PACS1: variants seen among roughly 807,000 people sequenced by gnomAD.
The protein encoded by PACS1 is phosphofurin acidic cluster sorting protein 1.
A neutral mutation model predicts 115.0 loss-of-function variants in PACS1; 24 were observed. The ratio of observed to expected loss-of-function variants is 0.21; its 90% CI spans 0.15 to 0.29. PACS1 has a LOEUF of 0.29. Ranked by LOEUF, PACS1 falls within the 10% of genes least tolerant of loss-of-function variation. PACS1 has a pLI of 1.00. For missense variants in PACS1, 838 were observed against 1,251.2 expected, an observed-to-expected ratio of 0.67 and a Z score of 4.98; for synonymous variants, 453 against 504.5, an observed-to-expected ratio of 0.90 and a Z score of 1.37.
At chr11:66,137,025 C>CG (rs890822862) in intron 1 of PACS1, among the ~76,000 whole-genome samples, 2 of 145,358 alleles carry the variant, frequency 1.4e-5, no homozygotes, top group Admixed American at 6.9e-5. Flanking sequence ...ACAAATTGCC[C>CG]CCCCCCCCAC....
chr11:66,141,228 G>A (rs1858975365), intron 1 of PACS1, among the ~76,000 whole-genome samples: 1 of 152,052 alleles, frequency 6.6e-6, no homozygotes. Context: ...TGATGAGTTT[G>A]GAATGCTTTT....
At chr11:66,140,597 A>C (rs925195689) in intron 1 of PACS1, among the ~76,000 whole-genome samples, 8 of 152,074 alleles carry the variant, frequency 5.3e-5, no homozygotes, top group African/African-American at 1.9e-4. Flanking sequence ...CAAAATTCAA[A>C]AGATATAGAA....
At chr11:66,153,705 C>T (rs150856153) in intron 1 of PACS1, among the ~76,000 whole-genome samples, 10 of 152,092 alleles carry the variant, frequency 6.6e-5, no homozygotes, top group South Asian at 2.1e-4. Context: ...GGCGTGAACC[C>T]GGGAGACGGA....
At chr11:66,150,983 C>T (rs368702682) in intron 1 of PACS1, among the ~76,000 whole-genome samples, 1 of 151,712 alleles carries the variant, frequency 6.6e-6, no homozygotes, top group East Asian at 1.9e-4. Flanking sequence ...TGAGAGGTGC[C>T]AAAGAAGAGA....
At chr11:66,169,005 TG>T (rs146974218) in intron 1 of PACS1, among the ~76,000 whole-genome samples, 1,865 of 150,642 alleles carry the variant, frequency 0.012, 32 homozygotes, top group Non-Finnish European at 0.022. Flanking sequence ...ATGTCTTTTT[TG>T]TTCTTTTACT....
Position 66,233,115 on chromosome 11 carries a change from C to A in PACS1, c.1838+49C>A. 1 of 1,363,182 alleles carries A rather than the reference C, an allele frequency of 7.3e-7. No homozygotes were observed. The highest frequency in any genetic ancestry group is 1.0e-6 in the Non-Finnish European group (1 of 964,702). The allele number at this position is 1,363,182 out of a possible 1,614,324, so 84.4% of individuals were successfully genotyped here. ...CCTGCCCTTAGAGATTCCCTCTGAC[C>A]TCATCTTCCAACCCTGACTTCTAAG... On this transcript the variant is annotated intron_variant, in intron 15 of 23. Transcript: ENST00000320580. This position sits in a 1 kb window ranked among gnomAD's most constrained non-coding sequence, Gnocchi z 4.5.
intron 1 of PACS1, among the ~76,000 whole-genome samples, chr11:66,186,830 G>A (rs931889032): frequency 5.4e-5 from 8 of 148,614 alleles, no homozygotes; most frequent in Admixed American, 2.8e-4. Context: ...TATAAGCCCT[G>A]TGGGTTTCTG....
intron 2 of PACS1, among the ~76,000 whole-genome samples, chr11:66,201,214 G>A (rs907219654): frequency 1.3e-5 from 2 of 150,382 alleles, no homozygotes; most frequent in African/African-American, 4.9e-5. Flanking sequence ...GTGAGCCTCT[G>A]TCTCAAAAAA....
At chr11:66,159,701 A>C (rs977668072) in intron 1 of PACS1, among the ~76,000 whole-genome samples, 1 of 152,166 alleles carries the variant, frequency 6.6e-6, no homozygotes, top group Non-Finnish European at 1.5e-5. Flanking sequence ...CTGACATGGA[A>C]GGTTACTCCA....
intron 1 of PACS1, among the ~76,000 whole-genome samples, chr11:66,076,691 A>G (rs1857405137): frequency 6.6e-6 from 1 of 152,120 alleles, no homozygotes; most frequent in Non-Finnish European, 1.5e-5. Flanking sequence ...CTGTGCCTGG[A>G]CTGGCCTGGA....
At chr11:66,104,903 T>G (rs1418680593) in intron 1 of PACS1, among the ~76,000 whole-genome samples, 1 of 152,252 alleles carries the variant, frequency 6.6e-6, no homozygotes, top group Admixed American at 6.5e-5. Flanking sequence ...CCTGGATCAG[T>G]GCCAGACATT....
At chr11:66,158,124 A>G (rs1859402708) in intron 1 of PACS1, among the ~76,000 whole-genome samples, 1 of 151,896 alleles carries the variant, frequency 6.6e-6, no homozygotes, top group Non-Finnish European at 1.5e-5. Context: ...GCGCCACCAC[A>G]CTTGGCTAAT....
At chr11:66,173,991 G>T (rs1447854685) in intron 1 of PACS1, among the ~76,000 whole-genome samples, 1 of 152,112 alleles carries the variant, frequency 6.6e-6, no homozygotes, top group Non-Finnish European at 1.5e-5. Context: ...GGTGGAGGTT[G>T]CAGTGAGTCG....
intron 1 of PACS1, among the ~76,000 whole-genome samples, chr11:66,175,540 C>T (rs1384640630): frequency 7.9e-5 from 12 of 152,090 alleles, no homozygotes; most frequent in Non-Finnish European, 1.3e-4. Context: ...TTTTCTAGGT[C>T]TAACTTTTCT....
chr11:66,228,661 G>A (rs910772588), intron 11 of PACS1, among the ~76,000 whole-genome samples: 1 of 152,086 alleles, frequency 6.6e-6, no homozygotes, highest in South Asian at 2.1e-4. Context: ...AAAAATGCAC[G>A]CCATAGGATT....
At chr11:66,133,323 G>A (rs116128486) in intron 1 of PACS1, among the ~76,000 whole-genome samples, 69 of 152,302 alleles carry the variant, frequency 4.5e-4, no homozygotes, top group African/African-American at 1.6e-3. Context: ...ACTAGGTCTG[G>A]CTAGCCATAT....
chr11:66,084,262 C>T (rs10896077), intron 1 of PACS1: 3 of 152,120 alleles, frequency 2.0e-5, no homozygotes, highest in African/African-American at 7.3e-5. Context: ...GGATGAGGCC[C>T]CCCAGTAGAG....
At chr11:66,187,431 C>G (rs988108470) in intron 1 of PACS1, among the ~76,000 whole-genome samples, 7 of 152,036 alleles carry the variant, frequency 4.6e-5, no homozygotes, top group African/African-American at 1.2e-4. Flanking sequence ...AATTTTGTAC[C>G]CTTTAAGAAA....
chr11:66,105,786 C>T (rs1858023621), intron 1 of PACS1, among the ~76,000 whole-genome samples: 1 of 152,168 alleles, frequency 6.6e-6, no homozygotes, highest in African/African-American at 2.4e-5. Context: ...TGAGAATAGG[C>T]TTTATGGATA....
Sources: allele counts gnomAD v4.1 joint callset (sites outside exome capture counted in the v4.1 genomes callset), GRCh38; gene constraint gnomAD v4.1.1; non-coding constraint Gnocchi (gnomAD v3.1); transcripts MANE v1.5; gene names NCBI Gene and HGNC (gene_info 2026-07-23, HGNC 2026-07-21).